Variants in COG5 observed in about 807,000 individuals in gnomAD.
COG5 encodes conserved oligomeric Golgi complex subunit 5.
A neutral mutation model predicts 110.4 loss-of-function variants in COG5; 86 were observed. The ratio of observed to expected loss-of-function variants is 0.78; its 90% CI spans 0.65 to 0.93. COG5 has a LOEUF of 0.93. Among genes scored for constraint, COG5 ranks in the 40% least tolerant of loss-of-function variants. The pLI is 0.00. For synonymous variants in COG5, 360 were observed against 334.6 expected (o/e 1.08, Z -0.83); for missense variants, 1,077 against 987.0 (o/e 1.09, Z -1.22).
At position 107,415,833 on chromosome 7, in the gene COG5, T is replaced by C. The variant is rs556155838; in HGVS notation, c.539-3201A>G. On this transcript the variant is annotated intron_variant, in intron 6 of 21. Transcript: ENST00000297135. ...ATATACACACATACACGTATGTATGTATGTGTGTGTATATATACACACACA... is the reference window on the plus strand; with the variant it reads ...ATATACACACATACACGTATGTATGCATGTGTGTGTATATATACACACACA... Among the ~76,000 whole-genome samples the C allele has an allele frequency of 1.1e-4, 9 of 84,748 alleles. 1 individual carries two copies. In the South Asian group the frequency reaches 2.8e-3, roughly 26 times the overall value. The allele number at this position is 84,748 out of a possible 152,430, so 55.6% of individuals were successfully genotyped here. A position where few individuals can be genotyped will look rare whatever the true frequency, so the allele number is the denominator to read the frequency against.
At chr7:107,502,514 T>C (rs1167076128) in intron 6 of COG5, among the ~76,000 whole-genome samples, 1 of 152,140 alleles carries the variant, frequency 6.6e-6, no homozygotes, top group African/African-American at 2.4e-5. Context: ...TATAATGACT[T>C]CTTTTCCTTT....
In COG5 at chr7:107,415,908, ATGTATGTG is replaced by A. The variant is rs1308327583; in HGVS notation, c.539-3284_539-3277del. On this transcript the variant is annotated intron_variant, in intron 6 of 21. Transcript: ENST00000297135. The stretch of plus-strand genomic sequence containing the variant: ...TATATACACACACATACACGTATGT[ATGTATGTG>A]TGTGTATATACACACACATACACGT... Among the ~76,000 whole-genome samples the A allele has an allele frequency of 4.1e-3, 479 of 116,764 alleles. 116 individuals carry two copies. The highest frequency in any genetic ancestry group is 0.016 in the African/African-American group (447 of 27,998). The allele number at this position is 116,764 out of a possible 152,430, so 76.6% of individuals were successfully genotyped here.
At chr7:107,553,344 GA>G (rs1172479962) in intron 3 of COG5, among the ~76,000 whole-genome samples, 2 of 152,144 alleles carry the variant, frequency 1.3e-5, no homozygotes, top group African/African-American at 4.8e-5. Context: ...ATGTATCCCA[GA>G]TTTCAAATAA....
intron 18 of COG5, among the ~76,000 whole-genome samples, chr7:107,234,530 T>C (rs1348773517): frequency 6.6e-6 from 1 of 152,118 alleles, no homozygotes; most frequent in Non-Finnish European, 1.5e-5. Context: ...AGGGAACATA[T>C]TAAAATAAAA....
intron 6 of COG5, among the ~76,000 whole-genome samples, chr7:107,424,376 G>C (rs1014102595): frequency 3.3e-5 from 5 of 151,952 alleles, no homozygotes; most frequent in African/African-American, 9.7e-5. Flanking sequence ...GAAACTTTTG[G>C]GAGTGATAAA....
At chr7:107,541,523 A>AAAATATATATATATAT (rs60423657) in intron 5 of COG5, among the ~76,000 whole-genome samples, 1 of 57,026 alleles carries the variant, frequency 1.8e-5, no homozygotes, top group African/African-American at 6.7e-5. Flanking sequence ...AAAAAAAAAA[A>AAAATATATATATATAT]ATATATATAT....
chr7:107,216,636 T>C (rs1799555376), intron 19 of COG5, among the ~76,000 whole-genome samples: 1 of 151,994 alleles, frequency 6.6e-6, no homozygotes, highest in Non-Finnish European at 1.5e-5. Flanking sequence ...TTAAACAACA[T>C]GCCCCTCAAC....
At chr7:107,304,529 C>T (rs996982574) in intron 11 of COG5, among the ~76,000 whole-genome samples, 1 of 152,066 alleles carries the variant, frequency 6.6e-6, no homozygotes, top group Non-Finnish European at 1.5e-5. Flanking sequence ...ATGTCATTTC[C>T]CCCTTGGAGT....
chr7:107,365,504 A>G lies in COG5; in HGVS notation c.836-3084T>C, dbSNP rs543528081. On this transcript the variant is annotated intron_variant, in intron 8 of 21. Coordinates refer to ENST00000297135, the MANE Select transcript of COG5 (RefSeq NM_006348.5). ...GTAAATTGCTCTTAAAACCAATTGT[A>G]AGAATTTGCACAAGCTATCTAAGGA... 1.3e-3 allele frequency among the ~76,000 whole-genome samples: 198 copies of G among 151,120 alleles called. 1 individual carries two copies. The highest frequency in any genetic ancestry group is 4.6e-3 in the African/African-American group (188 of 41,292).
intron 11 of COG5, among the ~76,000 whole-genome samples, chr7:107,307,859 A>G (rs1272605133): frequency 6.6e-6 from 1 of 152,138 alleles, no homozygotes; most frequent in East Asian, 1.9e-4. Context: ...ATCACCACTA[A>G]AACACTTATC....
chr7:107,230,412 A>G (rs1800692690), intron 19 of COG5, among the ~76,000 whole-genome samples: 1 of 152,348 alleles, frequency 6.6e-6, no homozygotes, highest in Non-Finnish European at 1.5e-5. Context: ...CTAAGAAAAT[A>G]CACATACCCT....
Position 107,259,309 on chromosome 7 carries a change from T to C in COG5, c.1576-926A>G, listed in dbSNP as rs916645996. ...TCCTCATGGACAAAGATAATCACAA[T>C]TGCAATCAAGCTGTGTTCTAAGGTG... On this transcript the variant is annotated intron_variant, in intron 14 of 21. Coordinates refer to ENST00000297135, the MANE Select transcript of COG5 (RefSeq NM_006348.5). Among the ~76,000 whole-genome samples, 8 of 152,258 alleles carry C rather than the reference T, an allele frequency of 5.3e-5. No individual in the cohort carries two copies. In the East Asian group the frequency reaches 9.7e-4, roughly 18 times the overall value.
rs143495024 is a variant in COG5, at chr7:107,250,803, T to C, written c.1750-2304A>G. Among the ~76,000 whole-genome samples, 473 of 152,102 alleles carry C rather than the reference T, an allele frequency of 3.1e-3. 4 individuals carry two copies. Among genetic ancestry groups the C allele is most frequent in the African/African-American group, 0.011 (456 of 41,520 alleles). On this transcript the variant is annotated intron_variant, in intron 16 of 21. Transcript: ENST00000297135. ...TAGAGATGACCAAGGAAAGAGTCAA[T>C]GAACCTGAAGACAGAATTAACAGAA... is the stretch of plus-strand genomic sequence containing the variant.
At chr7:107,434,135 C>T (rs373695215) in intron 6 of COG5, among the ~76,000 whole-genome samples, 15 of 151,890 alleles carry the variant, frequency 9.9e-5, no homozygotes, top group African/African-American at 2.7e-4. Flanking sequence ...TTAGAATGGC[C>T]ACTATTAAAA....
intron 12 of COG5, among the ~76,000 whole-genome samples, chr7:107,297,791 T>C (rs936004982): frequency 2.6e-5 from 4 of 152,188 alleles, no homozygotes; most frequent in Non-Finnish European, 5.9e-5. Flanking sequence ...GTCACATTTA[T>C]GCAAGTGGTC....
chr7:107,559,894 G>A (rs915277550), intron 1 of COG5, among the ~76,000 whole-genome samples: 2 of 152,350 alleles, frequency 1.3e-5, no homozygotes, highest in East Asian at 1.9e-4. Context: ...GACAGAAATG[G>A]TAAAGAATGA....
chr7:107,259,592 G>T (rs1803161851), intron 14 of COG5, among the ~76,000 whole-genome samples: 1 of 151,954 alleles, frequency 6.6e-6, no homozygotes, highest in Non-Finnish European at 1.5e-5. Context: ...CTCGGGGCAG[G>T]GGGGGTCAAA....
chr7:107,375,978 C>T lies in COG5; in HGVS notation c.670-3218G>A, dbSNP rs114065576. Among the ~76,000 whole-genome samples, 740 of 152,012 alleles carry T rather than the reference C, an allele frequency of 4.9e-3. 8 individuals carry two copies. Among genetic ancestry groups the T allele is most frequent in the African/African-American group, 0.017 (721 of 41,520 alleles). On this transcript the variant is annotated intron_variant, in intron 7 of 21. Transcript: ENST00000297135. The stretch of plus-strand genomic sequence containing the variant: ...TTTCATGCTCAGAAATACAATTCAC[C>T]TGGAATTAATTTCTATACAATGTGA...
chr7:107,469,677 A>G (rs965251085), intron 6 of COG5, among the ~76,000 whole-genome samples: 4 of 152,146 alleles, frequency 2.6e-5, no homozygotes, highest in Non-Finnish European at 4.4e-5. Flanking sequence ...AAGAATCTCA[A>G]TCAAAAACCT....
Sources: allele counts gnomAD v4.1 joint callset (sites outside exome capture counted in the v4.1 genomes callset), GRCh38; gene constraint gnomAD v4.1.1; transcripts MANE v1.5; gene names NCBI Gene and HGNC (gene_info 2026-07-23, HGNC 2026-07-21).